The following SENP6 variants were observed in gnomAD, a reference collection of about 807,000 sequenced individuals.
SENP6 encodes SUMO specific peptidase 6.
Under a neutral mutation model 134.5 loss-of-function variants are expected in SENP6, and 41 were observed. That is an observed-to-expected ratio of 0.30 (90% CI 0.24 to 0.40). The LOEUF is 0.40. Ranked by LOEUF, SENP6 falls within the 10% of genes least tolerant of loss-of-function variation. SENP6 has a pLI of 1.00. For synonymous variants in SENP6, 395 were observed against 429.8 expected (o/e 0.92, Z 1.00); for missense variants, 1,248 against 1,312.5 (o/e 0.95, Z 0.76).
intron 7 of SENP6, among the ~76,000 whole-genome samples, chr6:75,648,896 C>A (rs1770652583): frequency 6.6e-6 from 1 of 152,196 alleles, no homozygotes. Context: ...GAACCCATGT[C>A]TGTTTGATGC....
chr6:75,602,446 C>G lies in SENP6; in HGVS notation c.-79C>G. ...CAACCCTGCGGCGTCTACCCTCCTC[C>G]GGCGCGGCCCCTCATCCCGGCGAGC... is the stretch of plus-strand genomic sequence containing the variant. On this transcript the variant is annotated 5_prime_UTR_variant, in exon 1 of 24. Coordinates refer to ENST00000447266, the MANE Select transcript of SENP6 (RefSeq NM_015571.4). The G allele has an allele frequency of 1.3e-6, 2 of 1,508,240 alleles. No individual in the cohort carries two copies. Among genetic ancestry groups the G allele is most frequent in the East Asian group, 4.9e-5 (2 of 40,700 alleles). 93.4% of individuals were successfully genotyped at this position (1,508,240 alleles called of 1,614,324 possible). A position where few individuals can be genotyped will look rare whatever the true frequency, so the allele number is the denominator to read the frequency against.
chr6:75,680,170 G>A (rs1201394387), intron 16 of SENP6, among the ~76,000 whole-genome samples: 1 of 152,194 alleles, frequency 6.6e-6, no homozygotes, highest in Non-Finnish European at 1.5e-5. Flanking sequence ...TAATTAAGTG[G>A]ATATTAAGGA....
At position 75,602,309 on chromosome 6, in the gene SENP6, G is replaced by T. The variant is rs1437658051; in HGVS notation, c.-216G>T. Reference sequence around the variant, plus strand: ...AGAGGCCTGAGAAGCTCGGGCCGCGGGCCTCGCTGCCCGCCAGCCCGCGGA... The same window carrying T: ...AGAGGCCTGAGAAGCTCGGGCCGCGTGCCTCGCTGCCCGCCAGCCCGCGGA... On this transcript the variant is annotated 5_prime_UTR_variant, in exon 1 of 24. Transcript: ENST00000447266. The T allele has an allele frequency of 4.3e-6, 2 of 464,104 alleles. No individual in the cohort carries two copies. The highest frequency in any genetic ancestry group is 7.5e-6 in the Non-Finnish European group (2 of 265,962). The allele number at this position is 464,104 out of a possible 1,614,324, so 28.7% of individuals were successfully genotyped here.
intron 23 of SENP6, 148 bp from the exon 24 acceptor site, chr6:75,715,237 C>T (rs919134018): frequency 1.6e-5 from 10 of 632,352 alleles, no homozygotes; most frequent in Non-Finnish European, 2.8e-5. Context: ...CAATACCTAA[C>T]ACAGTACTTG....
chr6:75,619,720 C>T (rs543307635), intron 1 of SENP6, among the ~76,000 whole-genome samples: 2 of 152,196 alleles, frequency 1.3e-5, no homozygotes, highest in East Asian at 3.9e-4. Context: ...AACTGTTTTG[C>T]GTTCCCACTA....
rs763537260 is a variant in SENP6, at chr6:75,717,725, A to G, written c.*2131A>G. ...TGTGTTATTAGTACTTAGAAGTTGT[A>G]AAACAGAACTTATAGAGGTTTGTTA... On this transcript the variant is annotated 3_prime_UTR_variant, in exon 24 of 24. Coordinates refer to ENST00000447266, the MANE Select transcript of SENP6 (RefSeq NM_015571.4). The G allele has an allele frequency of 1.3e-5, 2 of 152,220 alleles. No individual in the cohort carries two copies. The highest frequency in any genetic ancestry group is 6.5e-5 in the Admixed American group (1 of 15,292). 9.4% of individuals were successfully genotyped at this position (152,220 alleles called of 1,614,324 possible).
At chr6:75,614,806 T>C (rs529340621) in intron 1 of SENP6, among the ~76,000 whole-genome samples, 1 of 152,290 alleles carries the variant, frequency 6.6e-6, no homozygotes, top group Non-Finnish European at 1.5e-5. Flanking sequence ...GGGGAGAAAT[T>C]AGATGTTTGC....
Position 75,675,662 on chromosome 6 carries a change from C to T in SENP6, c.1426+194C>T, listed in dbSNP as rs775585922. On this transcript the variant is annotated intron_variant, in intron 12 of 23. Transcript: ENST00000447266. ...ACAGAACCTAACTTTTTAGAAACCCCTTTTCATTTGGAAAAAATAAAAAAG... is the reference window on the plus strand; with the variant it reads ...ACAGAACCTAACTTTTTAGAAACCCTTTTTCATTTGGAAAAAATAAAAAAG... 2.8e-5 allele frequency: 21 copies of T among 749,376 alleles called. No homozygotes were observed. In the African/African-American group the frequency reaches 3.2e-4, roughly 11 times the overall value. The allele number at this position is 749,376 out of a possible 1,614,324, so 46.4% of individuals were successfully genotyped here. A position where few individuals can be genotyped will look rare whatever the true frequency, so the allele number is the denominator to read the frequency against.
At chr6:75,609,682 A>G (rs1273478887) in intron 1 of SENP6, among the ~76,000 whole-genome samples, 1 of 152,274 alleles carries the variant, frequency 6.6e-6, no homozygotes, top group Non-Finnish European at 1.5e-5. Context: ...GGGAAGCTAA[A>G]GAAAGACAAA....
chr6:75,666,823 A>G lies in SENP6; in HGVS notation c.1106A>G (p.Lys369Arg). The change falls in exon 10 of 24, where the codon AAA becomes AGA. Residue 369 changes from lysine to arginine, a missense_variant. Lys to Arg is a conservative substitution (Grantham distance 26, BLOSUM62 2). This residue lies in a region of SENP6 where 733 missense variants were observed against 725.4 expected (regional missense o/e 1.01). Transcript: ENST00000447266. ...TCTTCCCCTGCACCATCCACTGGAA[A>G]AGTAGAAGCAGCGCTAAATGAAAAT... ...ACSSPAPSTG[K>R]VEAALNENTC... 2.5e-6 allele frequency: 4 copies of G among 1,613,848 alleles called. No individual in the cohort carries two copies. Among genetic ancestry groups the G allele is most frequent in the Non-Finnish European group, 3.4e-6 (4 of 1,179,732 alleles).
chr6:75,664,364 T>TA lies in SENP6; in HGVS notation c.994+852dup, dbSNP rs575905149. The stretch of plus-strand genomic sequence containing the variant: ...TAAAAATATAGTTCATGGGCCTTTT[T>TA]AAAAAATCTATATACATGTACACAC... On this transcript the variant is annotated intron_variant, in intron 9 of 23. Coordinates refer to ENST00000447266, the MANE Select transcript of SENP6 (RefSeq NM_015571.4). 2.8e-3 allele frequency among the ~76,000 whole-genome samples: 424 copies of TA among 152,078 alleles called. 1 individual carries two copies. The highest frequency in any genetic ancestry group is 4.6e-3 in the Non-Finnish European group (315 of 68,012).
At chr6:75,626,934 C>T (rs965412417) in intron 3 of SENP6, among the ~76,000 whole-genome samples, 13 of 151,666 alleles carry the variant, frequency 8.6e-5, no homozygotes, top group Non-Finnish European at 1.9e-4. Context: ...TCTGCAACAG[C>T]TCTATTTTAT....
In SENP6 at chr6:75,634,734, T is replaced by G; in HGVS notation, c.381T>G (p.Cys127Trp). Residue 127 changes from cysteine (C) to tryptophan (W), a missense_variant, in exon 5 of 24, where the codon TGT (cysteine) becomes TGG (tryptophan). By Grantham distance (215) the Cys-to-Trp change is radical. This residue lies in a region of SENP6 where 733 missense variants were observed against 725.4 expected (regional missense o/e 1.01). Transcript: ENST00000447266. ...AAAATACGCAAAATACGTCATTATG[T>G]TCTGGAACTGTAGTTCATGGTAGAC... ...LSENTQNTSL[C>W]SGTVVHGRRF... 4 of 1,589,066 alleles carry G rather than the reference T, an allele frequency of 2.5e-6. No homozygotes were observed. Among genetic ancestry groups the G allele is most frequent in the Non-Finnish European group, 3.4e-6 (4 of 1,174,100 alleles).
At chr6:75,702,498 G>C in intron 18 of SENP6, 147 bp from the exon 19 acceptor site, 1 of 717,226 alleles carries the variant, frequency 1.4e-6, no homozygotes, top group Admixed American at 3.4e-5. Flanking sequence ...GATTACTGGC[G>C]TGAGCTACTG....
chr6:75,713,534 C>T lies in SENP6; in HGVS notation c.2931C>T (p.Asp977=), dbSNP rs1467123419. Residue 977 remains aspartate, a synonymous_variant, in exon 22 of 24, where the codon GAC becomes GAT. Coordinates refer to ENST00000447266, the MANE Select transcript of SENP6 (RefSeq NM_015571.4). ...ICKQPCILLM[D]SLRGPSRSNV... Reference sequence around the variant, plus strand: ...GCAGACCTTGTATCCTACTTATGGACTCACTCCGAGGCCCTTCTCGGTCAA... The same window carrying T: ...GCAGACCTTGTATCCTACTTATGGATTCACTCCGAGGCCCTTCTCGGTCAA... The T allele has an allele frequency of 2.5e-6, 4 of 1,613,514 alleles. 1 individual carries two copies. The Admixed American group carries it at 6.7e-5, about 27-fold the overall frequency.
intron 16 of SENP6, among the ~76,000 whole-genome samples, chr6:75,681,536 G>GT (rs902350744): frequency 6.6e-6 from 1 of 151,866 alleles, no homozygotes; most frequent in African/African-American, 2.4e-5. Context: ...TTGGCCCACG[G>GT]CAGCCTTTGC....
At chr6:75,657,578 A>G (rs1428295520) in intron 7 of SENP6, among the ~76,000 whole-genome samples, 1 of 152,134 alleles carries the variant, frequency 6.6e-6, no homozygotes, top group Non-Finnish European at 1.5e-5. Flanking sequence ...TTTATGTGTC[A>G]TATAGTTTTA....
intron 16 of SENP6, among the ~76,000 whole-genome samples, chr6:75,693,871 A>T (rs1046064188): frequency 1.3e-5 from 2 of 152,222 alleles, no homozygotes; most frequent in Non-Finnish European, 2.9e-5. Flanking sequence ...ATCATAAATA[A>T]ATTTAATATA....
At chr6:75,701,614 C>G (rs1336861684) in intron 18 of SENP6, among the ~76,000 whole-genome samples, 1 of 146,992 alleles carries the variant, frequency 6.8e-6, no homozygotes, top group Non-Finnish European at 1.5e-5. Flanking sequence ...CCTAATTAGA[C>G]TGCTGAAGAC....
Sources: gnomAD v4.1 joint callset for allele counts (sites outside exome capture counted in the v4.1 genomes callset) on GRCh38, gnomAD v4.1.1 for gene constraint, gnomAD v4.1.1 regional missense constraint, MANE v1.5 for transcripts, NCBI Gene and HGNC (gene_info 2026-07-23, HGNC 2026-07-21) for gene names.